ADPRS: variants seen among roughly 807,000 people sequenced by gnomAD.
The protein encoded by ADPRS is ADP-ribosylserine hydrolase, also known as ADP-ribosylhydrolase ARH3.
ADPRS carries 25 observed loss-of-function variants against 32.1 expected under a neutral mutation model. That is an observed-to-expected ratio of 0.78 (90% CI 0.57 to 1.09). ADPRS has a LOEUF of 1.09. ADPRS is among the 50% of genes least tolerant of loss of function. The pLI, the probability that ADPRS is intolerant of heterozygous loss-of-function variation, is 0.00. For missense variants in ADPRS, 482 were observed against 480.6 expected, an observed-to-expected ratio of 1.00 and a Z score of -0.03; for synonymous variants, 225 against 201.0, an observed-to-expected ratio of 1.12 and a Z score of -1.01.
chr1:36,092,032 G>A lies in ADPRS; in HGVS notation c.639G>A (p.Lys213=). 1 of 1,614,018 alleles carries A rather than the reference G, an allele frequency of 6.2e-7. No homozygotes were observed. The highest frequency in any genetic ancestry group is 1.1e-5 in the South Asian group (1 of 91,024). The change falls in exon 4 of 6, where the codon AAG becomes AAA. Residue 213 remains lysine (K), a synonymous_variant. Coordinates refer to ENST00000373178, the MANE Select transcript of ADPRS (RefSeq NM_017825.3). ...QGESSSEHFL[K]QLLGHMEDLE... is the part of the protein sequence containing the mutation. ...AGTCTTCCAGCGAGCACTTTCTCAA[G>A]CAACTCCTGGGCCACATGGAGGATC... is the stretch of plus-strand genomic sequence containing the variant.
intron 1 of ADPRS, 35 bp downstream of exon 1, chr1:36,089,150 G>A (rs1255184173): frequency 1.4e-6 from 2 of 1,387,024 alleles, no homozygotes; most frequent in African/African-American, 1.5e-5. Context: ...GAGGCCGTGC[G>A]GGAGGGAGGC....
chr1:36,091,637 AAAGACCCT>A lies in ADPRS; in HGVS notation c.329_336del (p.Lys110ArgfsTer25), dbSNP rs1643484936. ...CCCTAGATTTGCTCAGGAGTACAAG[AAAGACCCT>A]GACAGGGGCTATGGTGCTGGAGTAG... On this transcript the variant is annotated frameshift_variant, in exon 3 of 6. Coordinates refer to ENST00000373178, the MANE Select transcript of ADPRS (RefSeq NM_017825.3). LOFTEE classifies it high-confidence loss of function. 6.2e-7 allele frequency: 1 copy of A among 1,605,540 alleles called. No individual in the cohort carries two copies. The highest frequency in any genetic ancestry group is 1.3e-5 in the African/African-American group (1 of 74,600).
chr1:36,093,674 G>T lies in ADPRS; in HGVS notation c.*288G>T, dbSNP rs1481356098. 1.7e-5 allele frequency: 7 copies of T among 408,450 alleles called. No individual in the cohort carries two copies. The Admixed American group carries it at 2.7e-4, about 16-fold the overall frequency. The allele number at this position is 408,450 out of a possible 1,614,324, so 25.3% of individuals were successfully genotyped here. A position where few individuals can be genotyped will look rare whatever the true frequency, so the allele number is the denominator to read the frequency against. On this transcript the variant is annotated 3_prime_UTR_variant, in exon 6 of 6. Transcript: ENST00000373178. ...GCGGGTTTATTTTGGAGGGGTACTT[G>T]TGGCATTTTCCTGTATTGTCTTGGA...
chr1:36,092,582 C>T (rs1212084263), intron 5 of ADPRS, 60 bp downstream of exon 5: 1 of 1,517,636 alleles, frequency 6.6e-7, no homozygotes, highest in Non-Finnish European at 9.1e-7. Flanking sequence ...CGGTCTTGGG[C>T]TCAGGGGAGC....
At position 36,091,837 on chromosome 1, in the gene ADPRS, G is replaced by A. The variant is rs560409221; in HGVS notation, c.516+12G>A. On this transcript the variant is annotated intron_variant, in intron 3 of 5. Coordinates refer to ENST00000373178, the MANE Select transcript of ADPRS (RefSeq NM_017825.3). ...AGGATGTGCAGAAGGTATTCAGGGC[G>A]GGCTGGCTTCTGGGCTGTCCCCTTC... 91 of 1,589,494 alleles carry A rather than the reference G, an allele frequency of 5.7e-5. No individual in the cohort carries two copies. In the South Asian group the frequency reaches 9.1e-4, roughly 16 times the overall value.
In ADPRS at chr1:36,093,618, C is replaced by A. The variant is rs1231305228; in HGVS notation, c.*232C>A. 3 of 565,204 alleles carry A rather than the reference C, an allele frequency of 5.3e-6. No individual in the cohort carries two copies. Among genetic ancestry groups the A allele is most frequent in the Non-Finnish European group, 9.3e-6 (3 of 321,352 alleles). The allele number at this position is 565,204 out of a possible 1,614,324, so 35.0% of individuals were successfully genotyped here. On this transcript the variant is annotated 3_prime_UTR_variant, in exon 6 of 6. Coordinates refer to ENST00000373178, the MANE Select transcript of ADPRS (RefSeq NM_017825.3). ...GTTTGCTGCAGAGCCGTAGGACACTCCTGGCTCCTCAGTAGGACAGACAGA... is the reference window on the plus strand; with the variant it reads ...GTTTGCTGCAGAGCCGTAGGACACTACTGGCTCCTCAGTAGGACAGACAGA...
rs1407182186 is a variant in ADPRS, at chr1:36,091,771, C to T, written c.462C>T (p.Ala154=). 2 of 1,612,510 alleles carry T rather than the reference C, an allele frequency of 1.2e-6. No individual in the cohort carries two copies. The highest frequency in any genetic ancestry group is 2.2e-5 in the East Asian group (1 of 44,834). The change falls in exon 3 of 6, where the codon GCC becomes GCT. Residue 154 remains alanine, a synonymous_variant. Transcript: ENST00000373178. ...AAGGCTCCTATGGCAATGGAGGTGCCATGCGGGTGGCTGGCATCTCCCTGG... is the reference window on the plus strand; with the variant it reads ...AAGGCTCCTATGGCAATGGAGGTGCTATGCGGGTGGCTGGCATCTCCCTGG... ...NGKGSYGNGG[A]MRVAGISLAY... is the part of the protein sequence containing the mutation.
At position 36,091,940 on chromosome 1, in the gene ADPRS, G is replaced by C. The variant is rs755255715; in HGVS notation, c.547G>C (p.Ala183Pro). ...CCGGCTCTCGGCCCAGCTGACACAC[G>C]CCTCCTCCCTGGGTTACAATGGCGC... is the stretch of plus-strand genomic sequence containing the variant. The part of the protein sequence containing the change: ...FARLSAQLTH[A>P]SSLGYNGAIL... The change falls in exon 4 of 6, where the codon GCC becomes CCC. Residue 183 changes from alanine (A) to proline (P), a missense_variant. Coordinates refer to ENST00000373178, the MANE Select transcript of ADPRS (RefSeq NM_017825.3). The C allele has an allele frequency of 1.1e-5, 17 of 1,608,944 alleles. No individual in the cohort carries two copies. The highest frequency in any genetic ancestry group is 1.4e-5 in the Non-Finnish European group (16 of 1,176,332).
At chr1:36,092,222 C>G in intron 4 of ADPRS, 128 bp downstream of exon 4, 5 of 1,333,030 alleles carry the variant, frequency 3.8e-6, no homozygotes, top group Non-Finnish European at 4.1e-6. Context: ...GCCCCTTTAT[C>G]TTGTCTATGT....
At chr1:36,090,925 C>A (rs1308738833) in intron 1 of ADPRS, among the ~76,000 whole-genome samples, 6 of 152,142 alleles carry the variant, frequency 3.9e-5, no homozygotes, top group Non-Finnish European at 8.8e-5. Flanking sequence ...AATCCCAGCT[C>A]TTTGGGAGGC....
Position 36,088,954 on chromosome 1 carries a change from C to G in ADPRS, c.50C>G (p.Ala17Gly), listed in dbSNP as rs1475593025. ...GCGGCAGGTGGAGGGGCTGGCGCGG[C>G]CCGCTCCCTCTCGCGCTTCCGAGGC... Reference protein sequence around the residue: ...AAAAGGGAGAARSLSRFRGCL... With the variant: ...AAAAGGGAGAGRSLSRFRGCL... The change falls in exon 1 of 6, where the codon GCC becomes GGC. Residue 17 changes from alanine (A) to glycine (G), a missense_variant. Ala to Gly is a moderately conservative substitution (Grantham distance 60, BLOSUM62 0). Coordinates refer to ENST00000373178, the MANE Select transcript of ADPRS (RefSeq NM_017825.3). 2.0e-6 allele frequency: 3 copies of G among 1,511,320 alleles called. No homozygotes were observed. Among genetic ancestry groups the G allele is most frequent in the East Asian group, 2.6e-5 (1 of 38,490 alleles). The allele number at this position is 1,511,320 out of a possible 1,614,324, so 93.6% of individuals were successfully genotyped here. A position where few individuals can be genotyped will look rare whatever the true frequency, so the allele number is the denominator to read the frequency against.
Position 36,093,376 on chromosome 1 carries a change from A to G in ADPRS, c.1082A>G (p.Gln361Arg). ...GCCCAAAGCCTGCACCGTGTCTTCC[A>G]GAAGAGTTGATGAGGGCTACAGCTG... is the stretch of plus-strand genomic sequence containing the variant. Reference protein sequence around the residue: ...ILAQSLHRVFQKS With the variant: ...ILAQSLHRVFRKS Residue 361 changes from glutamine to arginine, a missense_variant, in exon 6 of 6, where the codon CAG becomes CGG. Coordinates refer to ENST00000373178, the MANE Select transcript of ADPRS (RefSeq NM_017825.3). 6.2e-7 allele frequency: 1 copy of G among 1,613,010 alleles called. No homozygotes were observed. Among genetic ancestry groups the G allele is most frequent in the Non-Finnish European group, 8.5e-7 (1 of 1,179,150 alleles).
At chr1:36,091,445 A>C in intron 2 of ADPRS, 105 bp downstream of exon 2, 1 of 1,283,886 alleles carries the variant, frequency 7.8e-7, no homozygotes, top group South Asian at 1.3e-5. Flanking sequence ...AACCCTCCAC[A>C]GAAGCCTGTG....
At position 36,093,219 on chromosome 1, in the gene ADPRS, A is replaced by G. The variant is rs1384825426; in HGVS notation, c.925A>G (p.Ile309Val). 5 of 1,614,048 alleles carry G rather than the reference A, an allele frequency of 3.1e-6. No individual in the cohort carries two copies. The highest frequency in any genetic ancestry group is 2.2e-5 in the East Asian group (1 of 44,898). ...CCTCCAAAGGACTCTCATTTATTCCATCTCACTTGGTGGGGACACAGACAC... is the reference window on the plus strand; with the variant it reads ...CCTCCAAAGGACTCTCATTTATTCCGTCTCACTTGGTGGGGACACAGACAC... ...NSLQRTLIYS[I>V]SLGGDTDTIA... Residue 309 changes from isoleucine to valine, a missense_variant, in exon 6 of 6, where the codon ATC (isoleucine) becomes GTC (valine). Transcript: ENST00000373178.
At chr1:36,092,141 A>T (rs757224095) in intron 4 of ADPRS, 47 bp downstream of exon 4, 1 of 1,548,508 alleles carries the variant, frequency 6.5e-7, no homozygotes, top group Admixed American at 2.0e-5. Context: ...TGGGTGATCC[A>T]GGGGGCCTCT....
At chr1:36,092,192 C>G (rs1249562125) in intron 4 of ADPRS, 98 bp downstream of exon 4, 6 of 1,460,498 alleles carry the variant, frequency 4.1e-6, no homozygotes, top group Non-Finnish European at 5.5e-6. Context: ...ATTGCAGACC[C>G]TAGGGAGGCA....
rs1643511184 is a variant in ADPRS, at chr1:36,093,290, G to T, written c.996G>T (p.Met332Ile). The change falls in exon 6 of 6, where the codon ATG becomes ATT. Residue 332 changes from methionine to isoleucine, a missense_variant. Coordinates refer to ENST00000373178, the MANE Select transcript of ADPRS (RefSeq NM_017825.3). ...AGAIAGAYYG[M>I]DQVPESWQQS... ...CCATTGCTGGTGCCTACTATGGGAT[G>T]GATCAGGTGCCAGAGAGCTGGCAGC... is the stretch of plus-strand genomic sequence containing the variant. 6.2e-7 allele frequency: 1 copy of T among 1,614,116 alleles called. No homozygotes were observed. The highest frequency in any genetic ancestry group is 8.5e-7 in the Non-Finnish European group (1 of 1,180,054).
In ADPRS at chr1:36,088,933, C is replaced by G; in HGVS notation, c.29C>G (p.Ala10Gly). 6.5e-7 allele frequency: 1 copy of G among 1,527,006 alleles called. No individual in the cohort carries two copies. The highest frequency in any genetic ancestry group is 2.1e-4 in the Middle Eastern group (1 of 4,830). 94.6% of individuals were successfully genotyped at this position (1,527,006 alleles called of 1,614,324 possible). A position where few individuals can be genotyped will look rare whatever the true frequency, so the allele number is the denominator to read the frequency against. ...GCCGCAGCGGCGATGGCGGCAGCGG[C>G]AGGTGGAGGGGCTGGCGCGGCCCGC... Reference protein sequence around the residue: MAAAAMAAAAGGGAGAARSL... With the variant: MAAAAMAAAGGGGAGAARSL... Residue 10 changes from alanine (A) to glycine (G), a missense_variant, in exon 1 of 6, where the codon GCA becomes GGA. Transcript: ENST00000373178.
At chr1:36,093,023 G>A (rs1043717889) in intron 5 of ADPRS, 74 bp from the exon 6 acceptor site, 26 of 1,504,240 alleles carry the variant, frequency 1.7e-5, no homozygotes, top group East Asian at 9.1e-5. Flanking sequence ...GCTTGAAGCC[G>A]AGAGTGCTGA....
Sources: gnomAD v4.1 joint callset for allele counts (sites outside exome capture counted in the v4.1 genomes callset) on GRCh38, gnomAD v4.1.1 for gene constraint, MANE v1.5 for transcripts, NCBI Gene and HGNC (gene_info 2026-07-23, HGNC 2026-07-21) for gene names.